Variants in SPPL2A observed in about 807,000 individuals in gnomAD.
SPPL2A encodes the protein signal peptide peptidase like 2A.
In SPPL2A, 51 loss-of-function variants were observed where a neutral mutation model predicts 63.8. That is an observed-to-expected ratio of 0.80 (90% CI 0.64 to 1.01). The LOEUF is 1.01. Ranked by LOEUF, SPPL2A falls within the 50% of genes least tolerant of loss-of-function variation. The pLI is 0.00. For synonymous variants in SPPL2A, 188 were observed against 205.8 expected (o/e 0.91, Z 0.74); for missense variants, 553 against 622.7 (o/e 0.89, Z 1.19).
At chr15:50,757,665 T>C (rs1384841058) in intron 1 of SPPL2A, among the ~76,000 whole-genome samples, 1 of 152,212 alleles carries the variant, frequency 6.6e-6, no homozygotes, top group Non-Finnish European at 1.5e-5. Flanking sequence ...TCTGACTTTA[T>C]GAGGTGCCTG....
rs1249080292 is a variant in SPPL2A at position 50,712,675 on chromosome 15, C to A, written c.1489-4801G>T. Among the ~76,000 whole-genome samples, 11 of 134,246 alleles carry A rather than the reference C, an allele frequency of 8.2e-5. No individual in the cohort carries two copies. The East Asian group carries it at 2.0e-3, about 24-fold the overall frequency. 88.1% of individuals were successfully genotyped at this position (134,246 alleles called of 152,430 possible). A position where few individuals can be genotyped will look rare whatever the true frequency, so the allele number is the denominator to read the frequency against. ...TTCCTCCCTTCCTCCCTCCCTCCCC[C>A]CCCCTTTTTTTTTTTTTTTCTCGAG... On this transcript the variant is annotated intron_variant, in intron 14 of 14. Coordinates refer to ENST00000261854, the MANE Select transcript of SPPL2A (RefSeq NM_032802.4).
intron 1 of SPPL2A, among the ~76,000 whole-genome samples, chr15:50,753,955 CCTGG>C (rs2062931906): frequency 6.6e-6 from 1 of 152,124 alleles, no homozygotes; most frequent in African/African-American, 2.4e-5. Context: ...CACCACCACG[CCTGG>C]CTAATTTTTG....
At chr15:50,709,791 CAAAAAAATA>C (rs1273731764) in intron 14 of SPPL2A, among the ~76,000 whole-genome samples, 1 of 150,226 alleles carries the variant, frequency 6.7e-6, no homozygotes, top group African/African-American at 2.4e-5. Flanking sequence ...GACCCTGTCT[CAAAAAAATA>C]AAAAAAATAA....
chr15:50,747,527 T>C lies in SPPL2A; in HGVS notation c.552A>G (p.Ala184=), dbSNP rs2062867688. Residue 184 remains alanine (A), a synonymous_variant, in exon 5 of 15, where the codon GCA becomes GCG. Coordinates refer to ENST00000261854, the MANE Select transcript of SPPL2A (RefSeq NM_032802.4). ...CTAGTCCACTCCAGTATCCACCTAA[T>C]GCCACAGTGAACACCGCAATTACAA... ...VIFVIAVFTV[A]LGGYWSGLVE... The C allele has an allele frequency of 6.2e-7, 1 of 1,612,404 alleles. No homozygotes were observed. Among genetic ancestry groups the C allele is most frequent in the Non-Finnish European group, 8.5e-7 (1 of 1,179,240 alleles).
At chr15:50,717,546 A>G (rs1340097736) in intron 14 of SPPL2A, among the ~76,000 whole-genome samples, 1 of 152,136 alleles carries the variant, frequency 6.6e-6, no homozygotes, top group African/African-American at 2.4e-5. Context: ...AAAACCTTAA[A>G]TGGTCTCCAG....
intron 1 of SPPL2A, among the ~76,000 whole-genome samples, chr15:50,761,733 C>T (rs2063013134): frequency 6.6e-6 from 1 of 151,806 alleles, no homozygotes; most frequent in African/African-American, 2.4e-5. Context: ...CTCAGGAGTT[C>T]AAGACCAGCC....
At chr15:50,744,848 G>A (rs943744291) in intron 5 of SPPL2A, among the ~76,000 whole-genome samples, 1 of 152,198 alleles carries the variant, frequency 6.6e-6, no homozygotes, top group Admixed American at 6.5e-5. Context: ...AGCAGATGTG[G>A]TGGCTATGGG....
intron 5 of SPPL2A, chr15:50,746,950 G>C (rs940691218): frequency 6.5e-6 from 1 of 152,972 alleles, no homozygotes; most frequent in South Asian, 2.1e-4. Context: ...TTACAGGCGT[G>C]AGCCACCGTG....
rs187814415 is a variant in SPPL2A at position 50,753,680 on chromosome 15, C to T, written c.67-3934G>A. ...AATATATCTAGCACTTTGCCAAGTA[C>T]TTATGCAATGTAAAAGAAATACAAA... On this transcript the variant is annotated intron_variant, in intron 1 of 14. Coordinates refer to ENST00000261854, the MANE Select transcript of SPPL2A (RefSeq NM_032802.4). 2.8e-4 allele frequency among the ~76,000 whole-genome samples: 43 copies of T among 152,226 alleles called. 1 individual carries two copies. The East Asian group carries it at 6.6e-3, about 23-fold the overall frequency.
chr15:50,707,570 C>G lies in SPPL2A; in HGVS notation c.*230G>C, dbSNP rs551144626. 5 of 471,574 alleles carry G rather than the reference C, an allele frequency of 1.1e-5. No individual in the cohort carries two copies. The highest frequency in any genetic ancestry group is 9.7e-5 in the African/African-American group (5 of 51,304). The allele number at this position is 471,574 out of a possible 1,614,324, so 29.2% of individuals were successfully genotyped here. A position where few individuals can be genotyped will look rare whatever the true frequency, so the allele number is the denominator to read the frequency against. The stretch of plus-strand genomic sequence containing the variant: ...AAAATATACTGTATATAGTACATCT[C>G]GGAAACTACACAGACCATATGTTTT... On this transcript the variant is annotated 3_prime_UTR_variant, in exon 15 of 15. Coordinates refer to ENST00000261854, the MANE Select transcript of SPPL2A (RefSeq NM_032802.4).
chr15:50,719,220 T>C (rs1009709099), intron 14 of SPPL2A, among the ~76,000 whole-genome samples: 2 of 152,182 alleles, frequency 1.3e-5, no homozygotes, highest in African/African-American at 2.4e-5. Context: ...CTATCTAGTT[T>C]GGTTAGGCCC....
chr15:50,734,891 TTC>T (rs1027042930), intron 8 of SPPL2A, among the ~76,000 whole-genome samples: 1 of 152,034 alleles, frequency 6.6e-6, no homozygotes, highest in Non-Finnish European at 1.5e-5. Flanking sequence ...ATAGAGTATA[TTC>T]TCTCTCTCTC....
intron 1 of SPPL2A, among the ~76,000 whole-genome samples, chr15:50,755,815 T>C (rs8035390): frequency 9.6e-4 from 146 of 152,036 alleles, no homozygotes; most frequent in African/African-American, 3.4e-3. Context: ...AGACAAGATC[T>C]TGCCATGGTA....
chr15:50,762,961 T>C (rs1596403077), intron 1 of SPPL2A, among the ~76,000 whole-genome samples: 1 of 150,834 alleles, frequency 6.6e-6, no homozygotes, highest in African/African-American at 2.4e-5. Context: ...GCCAGGCTGG[T>C]CTCAAACTCC....
chr15:50,750,839 C>T (rs1198339055), intron 1 of SPPL2A, among the ~76,000 whole-genome samples: 1 of 152,148 alleles, frequency 6.6e-6, no homozygotes, highest in Non-Finnish European at 1.5e-5. Context: ...TTTTTCTAAA[C>T]CCGTAAGGAA....
chr15:50,721,074 G>A (rs1194441255), intron 13 of SPPL2A, among the ~76,000 whole-genome samples: 1 of 152,132 alleles, frequency 6.6e-6, no homozygotes, highest in Non-Finnish European at 1.5e-5. Context: ...GCCTCGCTCA[G>A]TTGCCCAGGC....
intron 12 of SPPL2A, among the ~76,000 whole-genome samples, chr15:50,724,797 A>G (rs1477751948): frequency 6.6e-6 from 1 of 152,200 alleles, no homozygotes; most frequent in East Asian, 1.9e-4. Context: ...CAGTCCTACA[A>G]GCTGGTGTTC....
chr15:50,747,444 C>A (rs1344866394), intron 5 of SPPL2A, 51 bp downstream of exon 5: 1 of 1,473,362 alleles, frequency 6.8e-7, no homozygotes, highest in African/African-American at 1.4e-5. Context: ...AAAATGATTG[C>A]AGAAATTTTT....
intron 1 of SPPL2A, among the ~76,000 whole-genome samples, chr15:50,757,089 C>CTTTTTTTTTTTTTTT (rs57100103): frequency 0.18 from 22,624 of 123,848 alleles, 3,329 homozygotes; most frequent in East Asian, 0.38. Flanking sequence ...TAAATCCTTT[C>CTTTTTTTTTTTTTTT]TTTTTTTTTT....
Sources: allele counts gnomAD v4.1 joint callset (sites outside exome capture counted in the v4.1 genomes callset), GRCh38; gene constraint gnomAD v4.1.1; transcripts MANE v1.5; gene names NCBI Gene and HGNC (gene_info 2026-07-23, HGNC 2026-07-21).